The following F2 variants were observed in gnomAD, a reference collection of about 807,000 sequenced individuals.
F2 encodes the protein coagulation factor II, thrombin.
F2 carries 34 observed loss-of-function variants against 81.9 expected under a neutral mutation model. That is an observed-to-expected ratio of 0.42 (90% CI 0.32 to 0.55). The LOEUF (loss-of-function observed/expected upper bound fraction) is 0.55. Ranked by LOEUF, F2 falls within the 20% of genes least tolerant of loss-of-function variation. The pLI is 0.18. For synonymous variants in F2, 296 were observed against 326.4 expected, an observed-to-expected ratio of 0.91 and a Z score of 1.01; for missense variants, 630 against 833.4, an observed-to-expected ratio of 0.76 and a Z score of 3.00.
chr11:46,723,664 G>A lies in F2; in HGVS notation c.559+146G>A, dbSNP rs1452880944. On this transcript the variant is annotated intron_variant, in intron 6 of 13. Coordinates refer to ENST00000311907, the MANE Select transcript of F2 (RefSeq NM_000506.5). This position sits in a 1 kb window ranked among gnomAD's most constrained non-coding sequence, Gnocchi z 5.6. ...CCAGCACTTTGGGAGGCTGAGGCAG[G>A]CAGATCACCTGAGGTCAGGGGTTTG... is the stretch of plus-strand genomic sequence containing the variant. 1.9e-6 allele frequency: 2 copies of A among 1,059,024 alleles called. No homozygotes were observed. The highest frequency in any genetic ancestry group is 5.2e-5 in the East Asian group (2 of 38,122). 65.6% of individuals were successfully genotyped at this position (1,059,024 alleles called of 1,614,324 possible). A position where few individuals can be genotyped will look rare whatever the true frequency, so the allele number is the denominator to read the frequency against.
intron 4 of F2, among the ~76,000 whole-genome samples, 153 bp downstream of exon 4, chr11:46,720,993 C>T (rs1397154438): frequency 6.6e-6 from 1 of 152,120 alleles, no homozygotes; most frequent in Admixed American, 6.6e-5. Flanking sequence ...TCTCTTTGTA[C>T]CTGGCTCTGT....
chr11:46,720,482 C>T (rs1342426313), intron 2 of F2, 41 bp from the exon 3 acceptor site: 1 of 1,613,268 alleles, frequency 6.2e-7, no homozygotes, highest in South Asian at 1.1e-5. Flanking sequence ...CAACACAAAA[C>T]AGGAGCTGCC....
chr11:46,729,248 G>A (rs971910539), intron 11 of F2, 132 bp from the exon 12 acceptor site: 3 of 1,027,758 alleles, frequency 2.9e-6, no homozygotes, highest in South Asian at 1.6e-5. Context: ...CCAAAGTGCC[G>A]AGACCACAGG....
At position 46,726,041 on chromosome 11, in the gene F2, C is replaced by G; in HGVS notation, c.742C>G (p.His248Asp). Residue 248 changes from histidine to aspartate, a missense_variant, in exon 7 of 14, where the codon CAC (histidine) becomes GAC (aspartate). Physicochemically the swap from His to Asp is moderately conservative, Grantham distance 81. Coordinates refer to ENST00000311907, the MANE Select transcript of F2 (RefSeq NM_000506.5). This position sits in a 1 kb window ranked among gnomAD's most constrained non-coding sequence, Gnocchi z 5.9. ...ASAQAKALSK[H>D]QDFNSAVQLV... ...CGCACAGGCCAAGGCCCTGAGCAAG[C>G]ACCAGGACTTCAACTCAGCTGTGCA... is the stretch of plus-strand genomic sequence containing the variant. 2.5e-6 allele frequency: 4 copies of G among 1,614,166 alleles called. No individual in the cohort carries two copies. Among genetic ancestry groups the G allele is most frequent in the Non-Finnish European group, 3.4e-6 (4 of 1,180,040 alleles).
chr11:46,720,631 A>T, intron 3 of F2, 84 bp downstream of exon 3: 2 of 1,561,092 alleles, frequency 1.3e-6, no homozygotes, highest in South Asian at 2.2e-5. Flanking sequence ...CTTCTGCTGC[A>T]CCTAGCCATC....
At chr11:46,734,077 C>T (rs535006636) in intron 12 of F2, among the ~76,000 whole-genome samples, 32 of 151,630 alleles carry the variant, frequency 2.1e-4, no homozygotes, top group Admixed American at 1.3e-3. Context: ...TGAGCCACCA[C>T]GCCTGGCCTA....
In F2 at chr11:46,720,506, C is replaced by T. The variant is rs758638621; in HGVS notation, c.241-17C>T. The stretch of plus-strand genomic sequence containing the variant: ...ACAGGAGCTGCCGTAGCCTCACTCC[C>T]AGCCCTTGTTTTTCAGGATGTGTTC... On this transcript the variant is annotated splice_polypyrimidine_tract_variant and intron_variant, in intron 2 of 13. Coordinates refer to ENST00000311907, the MANE Select transcript of F2 (RefSeq NM_000506.5). 28 of 1,614,024 alleles carry T rather than the reference C, an allele frequency of 1.7e-5. No homozygotes were observed. Among genetic ancestry groups the T allele is most frequent in the Non-Finnish European group, 2.3e-5 (27 of 1,180,006 alleles).
chr11:46,726,033 T>C lies in F2; in HGVS notation c.734T>C (p.Leu245Pro), dbSNP rs747787761. 3.1e-6 allele frequency: 5 copies of C among 1,613,998 alleles called. No individual in the cohort carries two copies. Among genetic ancestry groups the C allele is most frequent in the Non-Finnish European group, 4.2e-6 (5 of 1,180,022 alleles). The change falls in exon 7 of 14, where the codon CTG becomes CCG. Residue 245 changes from leucine (L) to proline (P), a missense_variant. Transcript: ENST00000311907. The surrounding 1 kb of genome is among the most constrained non-coding windows in gnomAD (Gnocchi z 5.9). ...LAWASAQAKA[L>P]SKHQDFNSAV... Reference sequence around the variant, plus strand: ...TGGGCCAGCGCACAGGCCAAGGCCCTGAGCAAGCACCAGGACTTCAACTCA... The same window carrying C: ...TGGGCCAGCGCACAGGCCAAGGCCCCGAGCAAGCACCAGGACTTCAACTCA...
chr11:46,732,906 C>A (rs1333892662), intron 12 of F2, among the ~76,000 whole-genome samples: 1 of 152,088 alleles, frequency 6.6e-6, no homozygotes, highest in African/African-American at 2.4e-5. Flanking sequence ...TCCAGGGAAC[C>A]CTTGTAGTCA....
At chr11:46,734,637 C>T (rs1395494786) in intron 12 of F2, among the ~76,000 whole-genome samples, 1 of 152,036 alleles carries the variant, frequency 6.6e-6, no homozygotes, top group African/African-American at 2.4e-5. Flanking sequence ...ATGGTGAAAC[C>T]CTGTCTCTAC....
At chr11:46,725,441 C>T (rs773779863) in intron 6 of F2, among the ~76,000 whole-genome samples, 10 of 152,234 alleles carry the variant, frequency 6.6e-5, no homozygotes, top group Middle Eastern at 6.8e-3. Flanking sequence ...CCCATACACA[C>T]GCACACACAT....
At position 46,734,538 on chromosome 11, in the gene F2, G is replaced by T. The variant is rs367789278; in HGVS notation, c.1655-4510G>T. Among the ~76,000 whole-genome samples, 129 of 152,234 alleles carry T rather than the reference G, an allele frequency of 8.5e-4. 1 individual carries two copies. In the South Asian group the frequency reaches 0.025, roughly 30 times the overall value. On this transcript the variant is annotated intron_variant, in intron 12 of 13. Transcript: ENST00000311907. ...AGAGATAAACTTTTCCTGGCCAGGT[G>T]TGGTGTCTTACACCTGTAATCCCAG... is the stretch of plus-strand genomic sequence containing the variant.
intron 12 of F2, among the ~76,000 whole-genome samples, chr11:46,736,623 A>G (rs951098180): frequency 6.6e-6 from 1 of 152,084 alleles, no homozygotes; most frequent in Non-Finnish European, 1.5e-5. Context: ...CTATGGATAG[A>G]GTATGCTTAA....
At position 46,728,587 on chromosome 11, in the gene F2, C is replaced by T; in HGVS notation, c.1299-77C>T. The T allele has an allele frequency of 6.4e-7, 1 of 1,550,750 alleles. No homozygotes were observed. The highest frequency in any genetic ancestry group is 8.9e-7 in the Non-Finnish European group (1 of 1,125,914). On this transcript the variant is annotated intron_variant, in intron 10 of 13. Transcript: ENST00000311907. This position sits in a 1 kb window ranked among gnomAD's most constrained non-coding sequence, Gnocchi z 5.1. ...CCTGCAGGACACACTGTCTCCCAGA[C>T]CCCAAGGGCAGGCAGTTTCCTGCTC...
At chr11:46,736,587 G>A (rs573117974) in intron 12 of F2, among the ~76,000 whole-genome samples, 86 of 152,168 alleles carry the variant, frequency 5.7e-4, no homozygotes, top group African/African-American at 2.0e-3. Flanking sequence ...CATGAGCCAC[G>A]GTGCCCAGCC....
At position 46,728,942 on chromosome 11, in the gene F2, G is replaced by A. The variant is rs1002372744; in HGVS notation, c.1472+105G>A. The A allele has an allele frequency of 1.2e-5, 15 of 1,286,966 alleles. No individual in the cohort carries two copies. The highest frequency in any genetic ancestry group is 2.7e-4 in the Middle Eastern group (1 of 3,766). The allele number at this position is 1,286,966 out of a possible 1,614,324, so 79.7% of individuals were successfully genotyped here. ...AGCCCCTTTCCCTTTTCCAGGCCTCGGTTTCTTGGAGTGAACCCAAAAGTT... is the reference window on the plus strand; with the variant it reads ...AGCCCCTTTCCCTTTTCCAGGCCTCAGTTTCTTGGAGTGAACCCAAAAGTT... On this transcript the variant is annotated intron_variant, in intron 11 of 13. Coordinates refer to ENST00000311907, the MANE Select transcript of F2 (RefSeq NM_000506.5). The surrounding 1 kb of genome is among the most constrained non-coding windows in gnomAD (Gnocchi z 5.1).
intron 12 of F2, among the ~76,000 whole-genome samples, chr11:46,734,217 C>G (rs1785103450): frequency 6.6e-6 from 1 of 152,130 alleles, no homozygotes; most frequent in African/African-American, 2.4e-5. Flanking sequence ...CCTGCCTCAG[C>G]CTCCCGAGTA....
intron 4 of F2, among the ~76,000 whole-genome samples, chr11:46,721,585 T>C (rs3136439): frequency 0.066 from 10,022 of 152,256 alleles, 390 homozygotes; most frequent in Non-Finnish European, 0.089. Flanking sequence ...CTGAACACTT[T>C]CCTATCCTTC....
intron 4 of F2, among the ~76,000 whole-genome samples, chr11:46,722,605 T>A (rs905117927): frequency 3.3e-5 from 5 of 152,074 alleles, no homozygotes; most frequent in Non-Finnish European, 5.9e-5. Flanking sequence ...TAAATAAAAA[T>A]AAATAATTCA....
Sources: allele counts gnomAD v4.1 joint callset (sites outside exome capture counted in the v4.1 genomes callset), GRCh38; gene constraint gnomAD v4.1.1; non-coding constraint Gnocchi (gnomAD v3.1); transcripts MANE v1.5; gene names NCBI Gene and HGNC (gene_info 2026-07-23, HGNC 2026-07-21).